Variants in ZC3H11A observed in about 807,000 individuals in gnomAD.
ZC3H11A encodes zinc finger CCCH-type containing 11A.
In ZC3H11A, 22 loss-of-function variants were observed where a neutral mutation model predicts 90.8. That is an observed-to-expected ratio of 0.24 (90% CI 0.17 to 0.35). ZC3H11A has a LOEUF of 0.35. Ranked by LOEUF, ZC3H11A falls within the 10% of genes least tolerant of loss-of-function variation. ZC3H11A has a pLI of 1.00. For missense variants in ZC3H11A, 701 were observed against 964.9 expected (o/e 0.73, Z 3.62); for synonymous variants, 294 against 339.8 (o/e 0.87, Z 1.48).
At position 203,840,350 on chromosome 1, in the gene ZC3H11A, G is replaced by A; in HGVS notation, c.1018G>A (p.Asp340Asn). 6.2e-7 allele frequency: 1 copy of A among 1,613,204 alleles called. No homozygotes were observed. The highest frequency in any genetic ancestry group is 2.2e-5 in the East Asian group (1 of 44,828). ...TAAGGAGCGATTAGGCATGTCAGCT[G>A]ATCCAGATAATGAGGATGCAACAGG... is the stretch of plus-strand genomic sequence containing the variant. ...SLKERLGMSA[D>N]PDNEDATDKV... The change falls in exon 12 of 18, where the codon GAT becomes AAT. Residue 340 changes from aspartate to asparagine, a missense_variant. Asp to Asn is a conservative substitution (Grantham distance 23, BLOSUM62 1). Coordinates refer to ENST00000367210, the MANE Select transcript of ZC3H11A (RefSeq NM_001376342.1).
chr1:203,808,345 G>C (rs1673087265), intron 2 of ZC3H11A, among the ~76,000 whole-genome samples: 1 of 152,068 alleles, frequency 6.6e-6, no homozygotes, highest in Non-Finnish European at 1.5e-5. Context: ...TTGTCAATCT[G>C]ATTTTTCCTG....
chr1:203,809,361 G>C (rs1420939511), intron 2 of ZC3H11A, among the ~76,000 whole-genome samples: 1 of 151,484 alleles, frequency 6.6e-6, no homozygotes, highest in Non-Finnish European at 1.5e-5. Flanking sequence ...ATTTTTAGTA[G>C]AGGCGGTGTT....
chr1:203,850,556 G>C lies in ZC3H11A; in HGVS notation c.1981G>C (p.Val661Leu). 6.2e-7 allele frequency: 1 copy of C among 1,613,982 alleles called. No homozygotes were observed. Among genetic ancestry groups the C allele is most frequent in the Admixed American group, 1.7e-5 (1 of 60,018 alleles). Residue 661 changes from valine to leucine, a missense_variant, in exon 16 of 18, where the codon GTG becomes CTG. By Grantham distance (32) the Val-to-Leu change is conservative. Transcript: ENST00000367210. ...VNVKPSVVKVVSSPKLAPKRK... is the reference protein window; with the variant it reads ...VNVKPSVVKVLSSPKLAPKRK... ...CGTGAAGCCATCTGTGGTTAAAGTT[G>C]TGTCATCCCCCAAATTGGCCCCAAA...
intron 12 of ZC3H11A, among the ~76,000 whole-genome samples, chr1:203,843,307 A>G (rs1686988256): frequency 6.6e-6 from 1 of 152,234 alleles, no homozygotes. Flanking sequence ...TTGAATCTAA[A>G]GATTTGTCTT....
intron 2 of ZC3H11A, among the ~76,000 whole-genome samples, chr1:203,813,752 A>G (rs1395189548): frequency 2.0e-5 from 3 of 152,012 alleles, no homozygotes; most frequent in Non-Finnish European, 4.4e-5. Flanking sequence ...TTTGTTGGCA[A>G]TCCTTGGCAT....
intron 11 of ZC3H11A, 125 bp downstream of exon 11, chr1:203,838,189 A>C: frequency 2.2e-6 from 2 of 909,850 alleles, no homozygotes; most frequent in Non-Finnish European, 1.6e-6. Context: ...TTGTTATATT[A>C]TTCACTCAAC....
At position 203,847,378 on chromosome 1, in the gene ZC3H11A, A is replaced by C. The variant is rs2365981; in HGVS notation, c.1237A>C (p.Lys413Gln). 5 of 1,613,900 alleles carry C rather than the reference A, an allele frequency of 3.1e-6. No homozygotes were observed. In the African/African-American group the frequency reaches 6.7e-5, roughly 22 times the overall value. ...IKTFSEVLAE[K>Q]KHRQQEAERQ... ...AACCTTCTCTGAGGTCCTGGCTGAA[A>C]AAAAACATCGGCAGCAGGAAGCAGA... Residue 413 changes from lysine to glutamine, a missense_variant, in exon 13 of 18, where the codon AAA (lysine) becomes CAA (glutamine). By Grantham distance (53) the Lys-to-Gln change is moderately conservative. Transcript: ENST00000367210.
chr1:203,797,296 T>C (rs1171999442), intron 1 of ZC3H11A: 8 of 360,480 alleles, frequency 2.2e-5, no homozygotes, highest in African/African-American at 6.4e-5. Flanking sequence ...ACTTAGAAAA[T>C]TGGAAGGGAC....
At chr1:203,847,041 A>T in intron 12 of ZC3H11A, 143 bp from the exon 13 acceptor site, 1 of 909,618 alleles carries the variant, frequency 1.1e-6, no homozygotes, top group Non-Finnish European at 1.7e-6. Context: ...GAAAAGAAAT[A>T]AATGTTACCC....
intron 1 of ZC3H11A, chr1:203,798,212 G>C (rs1267360212): frequency 6.5e-7 from 1 of 1,536,148 alleles, no homozygotes; most frequent in Admixed American, 2.0e-5. Flanking sequence ...GAATGGGCAA[G>C]AAGCATGATA....
intron 10 of ZC3H11A, 84 bp downstream of exon 10, chr1:203,833,937 A>G: frequency 2.0e-6 from 3 of 1,493,262 alleles, no homozygotes; most frequent in Admixed American, 2.1e-5. Context: ...TTTTATACAG[A>G]TCTTTGTTAT....
chr1:203,829,477 C>T lies in ZC3H11A; in HGVS notation c.325C>T (p.Pro109Ser), dbSNP rs1183267184. 6 of 1,613,892 alleles carry T rather than the reference C, an allele frequency of 3.7e-6. No homozygotes were observed. In the South Asian group the frequency reaches 6.6e-5, roughly 18 times the overall value. ...KTVLPTVPES[P>S]EEEVKASQLS... is the part of the protein sequence containing the mutation. ...TGTGTTGCCCACTGTGCCTGAGTCACCAGAAGAGGAAGTGAAGGCTAGCCA... is the reference window on the plus strand; with the variant it reads ...TGTGTTGCCCACTGTGCCTGAGTCATCAGAAGAGGAAGTGAAGGCTAGCCA... The change falls in exon 6 of 18, where the codon CCA becomes TCA. Residue 109 changes from proline (P) to serine (S), a missense_variant. Pro to Ser is a moderately conservative substitution (Grantham distance 74). Transcript: ENST00000367210.
chr1:203,800,653 G>C (rs1436306839), intron 1 of ZC3H11A: 2 of 483,688 alleles, frequency 4.1e-6, no homozygotes, highest in Admixed American at 7.9e-5. Flanking sequence ...AGCTATAACT[G>C]TGGCGCTAGC....
At chr1:203,850,810 G>T in intron 16 of ZC3H11A, 129 bp downstream of exon 16, 1 of 1,318,208 alleles carries the variant, frequency 7.6e-7, no homozygotes, top group Non-Finnish European at 1.0e-6. Context: ...AGTAATTTGG[G>T]TTACTACTGT....
chr1:203,852,507 C>G lies in ZC3H11A; in HGVS notation c.*108C>G, dbSNP rs1302885242. 7.7e-7 allele frequency: 1 copy of G among 1,306,290 alleles called. No homozygotes were observed. The highest frequency in any genetic ancestry group is 2.5e-5 in the East Asian group (1 of 40,160). The allele number at this position is 1,306,290 out of a possible 1,614,324, so 80.9% of individuals were successfully genotyped here. A position where few individuals can be genotyped will look rare whatever the true frequency, so the allele number is the denominator to read the frequency against. ...ATCATTTCTTTAGTCTAGAATTTGCCCCAAATCAGAAGTATACCTCTGAAT... is the reference window on the plus strand; with the variant it reads ...ATCATTTCTTTAGTCTAGAATTTGCGCCAAATCAGAAGTATACCTCTGAAT... On this transcript the variant is annotated 3_prime_UTR_variant, in exon 18 of 18. Coordinates refer to ENST00000367210, the MANE Select transcript of ZC3H11A (RefSeq NM_001376342.1).
chr1:203,815,213 T>TTC (rs1263390692), intron 2 of ZC3H11A, among the ~76,000 whole-genome samples: 1 of 51,898 alleles, frequency 1.9e-5, no homozygotes, highest in East Asian at 1.2e-3. Flanking sequence ...TTCCTTTTCT[T>TTC]TTCTTTTTTT....
rs569389488 is a variant in ZC3H11A at position 203,817,892 on chromosome 1, T to C, written c.55-678T>C. On this transcript the variant is annotated intron_variant, in intron 3 of 17. Coordinates refer to ENST00000367210, the MANE Select transcript of ZC3H11A (RefSeq NM_001376342.1). ...CTCAGCCTCCCAAGTAGCTGGGATT[T>C]CTGGCGCCTGCCACCACACCCAGCT... Among the ~76,000 whole-genome samples the C allele has an allele frequency of 2.0e-5, 3 of 151,994 alleles. No individual in the cohort carries two copies. In the South Asian group the frequency reaches 6.3e-4, roughly 32 times the overall value.
At chr1:203,825,747 A>G (rs1680326702) in intron 4 of ZC3H11A, among the ~76,000 whole-genome samples, 1 of 152,136 alleles carries the variant, frequency 6.6e-6, no homozygotes, top group Non-Finnish European at 1.5e-5. Flanking sequence ...TACTAAGGAA[A>G]AATGTACAGA....
chr1:203,814,340 A>G (rs572758412), intron 2 of ZC3H11A, among the ~76,000 whole-genome samples: 3 of 152,282 alleles, frequency 2.0e-5, no homozygotes, highest in Admixed American at 6.5e-5. Flanking sequence ...CCTGGCCAAC[A>G]TGGCGAAACC....
Sources: gnomAD v4.1 joint callset for allele counts (sites outside exome capture counted in the v4.1 genomes callset) on GRCh38, gnomAD v4.1.1 for gene constraint, MANE v1.5 for transcripts, NCBI Gene and HGNC (gene_info 2026-07-23, HGNC 2026-07-21) for gene names.